The following LMBR1 variants were observed in gnomAD, a reference collection of about 807,000 sequenced individuals.
The protein encoded by LMBR1 is limb development membrane protein 1.
A neutral mutation model predicts 73.9 loss-of-function variants in LMBR1; 52 were observed. That is an observed-to-expected ratio of 0.70 (90% confidence interval 0.56 to 0.89). The LOEUF is 0.89. Among genes scored for constraint, LMBR1 ranks in the 40% least tolerant of loss-of-function variants. The pLI is 0.00. For synonymous variants in LMBR1, 215 were observed against 209.4 expected (o/e 1.03, Z -0.23); for missense variants, 539 against 579.8 (o/e 0.93, Z 0.72).
chr7:156,829,339 T>C (rs1836260897), intron 3 of LMBR1, among the ~76,000 whole-genome samples: 1 of 152,200 alleles, frequency 6.6e-6, no homozygotes, highest in Admixed American at 6.5e-5. Flanking sequence ...GATCCCCCAG[T>C]GTTGGAGGTG....
rs146132329 is a variant in LMBR1, at chr7:156,737,075, G to A, written c.758-2818C>T. Among the ~76,000 whole-genome samples, 70 of 152,214 alleles carry A rather than the reference G, an allele frequency of 4.6e-4. No individual in the cohort carries two copies. In the East Asian group the frequency reaches 0.013, roughly 28 times the overall value. On this transcript the variant is annotated intron_variant, in intron 9 of 16. Transcript: ENST00000353442. ...GCATCTCTTGTTTCCTACGCAGCCC[G>A]TATCTTTTCTTGATTTACTCCCTTG...
At chr7:156,857,386 G>C (rs1445841950) in intron 1 of LMBR1, among the ~76,000 whole-genome samples, 2 of 152,104 alleles carry the variant, frequency 1.3e-5, no homozygotes, top group South Asian at 2.1e-4. Flanking sequence ...TCAGGACAAA[G>C]AACAGCAATA....
chr7:156,672,124 C>A (rs1461452316), intron 4 of LMBR1, among the ~76,000 whole-genome samples: 1 of 152,146 alleles, frequency 6.6e-6, no homozygotes, highest in Non-Finnish European at 1.5e-5. Flanking sequence ...TGCTTTCTTG[C>A]TATATTACAC....
chr7:156,724,302 G>T, intron 14 of LMBR1, 124 bp from the exon 15 acceptor site: 1 of 649,112 alleles, frequency 1.5e-6, no homozygotes, highest in Non-Finnish European at 2.7e-6. Flanking sequence ...ATTTCTTAAT[G>T]ATACTATTCA....
At chr7:156,676,320 AC>A (rs760655303), downstream of LMBR1, 2 of 1,612,542 alleles carry the variant, frequency 1.2e-6, no homozygotes, top group Admixed American at 3.3e-5. Flanking sequence ...TGTTTCGAAG[AC>A]CCATGTCTCG....
intron 12 of LMBR1, among the ~76,000 whole-genome samples, chr7:156,727,461 A>G (rs558466889): frequency 1.3e-5 from 2 of 152,296 alleles, no homozygotes; most frequent in South Asian, 4.1e-4. Flanking sequence ...AGAAAAAGAT[A>G]AGACTGTACA....
intron 1 of LMBR1, among the ~76,000 whole-genome samples, chr7:156,865,319 AAATTC>A (rs1378698116): frequency 6.6e-6 from 1 of 152,142 alleles, no homozygotes; most frequent in Non-Finnish European, 1.5e-5. Context: ...AAAGAAAAAA[AAATTC>A]AATTTCAAAT....
At chr7:156,868,920 G>A (rs938739363) in intron 1 of LMBR1, among the ~76,000 whole-genome samples, 3 of 152,108 alleles carry the variant, frequency 2.0e-5, no homozygotes, top group South Asian at 4.1e-4. Context: ...AGCCATGATC[G>A]CACCACTGCA....
chr7:156,885,393 G>A (rs904249381), intron 1 of LMBR1, among the ~76,000 whole-genome samples: 1 of 151,666 alleles, frequency 6.6e-6, no homozygotes, highest in African/African-American at 2.4e-5. Context: ...CCCAGACTTG[G>A]TTCCAAAAAT....
intron 10 of LMBR1, 57 bp from the exon 11 acceptor site, chr7:156,728,777 C>A: frequency 8.5e-7 from 1 of 1,174,900 alleles, no homozygotes; most frequent in East Asian, 2.4e-5. Context: ...CATTTTCCTT[C>A]CATAATGCTA....
At chr7:156,804,791 G>T (rs1831700238) in intron 4 of LMBR1, among the ~76,000 whole-genome samples, 1 of 151,402 alleles carries the variant, frequency 6.6e-6, no homozygotes, top group Admixed American at 6.6e-5. Context: ...CCAGTCTGTA[G>T]ACTCTCTTTA....
chr7:156,815,131 A>C (rs959150005), intron 4 of LMBR1, among the ~76,000 whole-genome samples: 17 of 142,586 alleles, frequency 1.2e-4, no homozygotes, highest in Non-Finnish European at 2.4e-4. Flanking sequence ...ACTCCAGCCT[A>C]GGCAACAAGA....
chr7:156,744,733 A>G (rs917213137), intron 9 of LMBR1, among the ~76,000 whole-genome samples: 2 of 152,192 alleles, frequency 1.3e-5, no homozygotes, highest in African/African-American at 4.8e-5. Flanking sequence ...AAATTATCAT[A>G]AAGTTTCTGG....
chr7:156,764,734 T>C lies in LMBR1; in HGVS notation c.424-939A>G, dbSNP rs541599424. On this transcript the variant is annotated intron_variant, in intron 5 of 16. Coordinates refer to ENST00000353442, the MANE Select transcript of LMBR1 (RefSeq NM_022458.4). ...AAAACATACACTTATTTCAATTTTG[T>C]CCTAAGTATTACTTTCTAGTTTCTG... 4.0e-4 allele frequency among the ~76,000 whole-genome samples: 61 copies of C among 152,304 alleles called. No individual in the cohort carries two copies. In the South Asian group the frequency reaches 0.012, roughly 30 times the overall value.
At chr7:156,741,883 A>G (rs1818967212) in intron 9 of LMBR1, among the ~76,000 whole-genome samples, 1 of 152,212 alleles carries the variant, frequency 6.6e-6, no homozygotes, top group Non-Finnish European at 1.5e-5. Context: ...TCTCAAGGAC[A>G]GACCATATGT....
At chr7:156,691,755 T>G (rs1338284744) in intron 15 of LMBR1, among the ~76,000 whole-genome samples, 1 of 151,780 alleles carries the variant, frequency 6.6e-6, no homozygotes, top group Non-Finnish European at 1.5e-5. Context: ...AAAAAAAAAC[T>G]TATAGATTAA....
At chr7:156,676,184 T>C, downstream of LMBR1, 7 of 1,293,788 alleles carry the variant, frequency 5.4e-6, no homozygotes, top group Non-Finnish European at 6.3e-6. Context: ...GGATGTTGCT[T>C]ATCACAGGTG....
At chr7:156,892,847 G>A in intron 1 of LMBR1, 81 bp downstream of exon 1, 4 of 595,238 alleles carry the variant, frequency 6.7e-6, no homozygotes, top group Non-Finnish European at 8.5e-6. Flanking sequence ...TGAGGGGTCC[G>A]GGGACCGGGG....
At chr7:156,728,262 T>A (rs537787003) in intron 11 of LMBR1, among the ~76,000 whole-genome samples, 12 of 152,198 alleles carry the variant, frequency 7.9e-5, no homozygotes, top group Non-Finnish European at 1.8e-4. Context: ...ATCTCACCAA[T>A]TGGAAACACA....
Sources: allele counts gnomAD v4.1 joint callset (sites outside exome capture counted in the v4.1 genomes callset), GRCh38; gene constraint gnomAD v4.1.1; transcripts MANE v1.5; gene names NCBI Gene and HGNC (gene_info 2026-07-23, HGNC 2026-07-21).